NEBL: variants seen among roughly 807,000 people sequenced by gnomAD.
NEBL encodes LIM and SH3 protein 2.
NEBL carries 122 observed loss-of-function variants against 140.2 expected under a neutral mutation model. That is an observed-to-expected ratio of 0.87 (90% CI 0.75 to 1.01). The LOEUF (loss-of-function observed/expected upper bound fraction) is 1.01. NEBL is among the 50% of genes least tolerant of loss of function. The probability of loss-of-function intolerance (pLI) is 0.00; values close to 1 mark genes in which losing one functional copy is unlikely to be tolerated. For missense variants in NEBL, 1,365 were observed against 1,231.3 expected (o/e 1.11, Z -1.62); for synonymous variants, 436 against 398.9 (o/e 1.09, Z -1.11).
At chr10:20,835,895 G>T (rs541113229) in intron 13 of NEBL, among the ~76,000 whole-genome samples, 5 of 152,288 alleles carry the variant, frequency 3.3e-5, no homozygotes, top group Admixed American at 2.0e-4. Context: ...TTTCTTTGGG[G>T]CTGGAGGATA....
At chr10:20,958,335 G>A (rs751465932) in intron 4 of NEBL, among the ~76,000 whole-genome samples, 11 of 152,198 alleles carry the variant, frequency 7.2e-5, no homozygotes, top group Non-Finnish European at 1.6e-4. Context: ...AGGAGAGGGT[G>A]GATGGCAATT....
intron 2 of NEBL, among the ~76,000 whole-genome samples, chr10:21,116,697 G>C (rs1015299217): frequency 1.3e-4 from 19 of 151,946 alleles, no homozygotes; most frequent in African/African-American, 4.3e-4. Context: ...TTGGAGACAA[G>C]GTCTTGCTGT....
intron 16 of NEBL, among the ~76,000 whole-genome samples, chr10:20,829,598 T>TA (rs200888715): frequency 2.0e-5 from 3 of 150,504 alleles, no homozygotes; most frequent in Non-Finnish European, 3.0e-5. Context: ...ATAATAAAAT[T>TA]AAAAAAAAAG....
At chr10:21,071,680 T>A (rs2131905243) in intron 2 of NEBL, among the ~76,000 whole-genome samples, 1 of 152,334 alleles carries the variant, frequency 6.6e-6, no homozygotes, top group South Asian at 2.1e-4. Context: ...CCAGGATTCA[T>A]CCAGGATTGG....
intron 9 of NEBL, among the ~76,000 whole-genome samples, chr10:20,855,382 T>A (rs1239649461): frequency 6.6e-6 from 1 of 151,850 alleles, no homozygotes; most frequent in African/African-American, 2.4e-5. Flanking sequence ...CATTACTGAG[T>A]TAAAATCCAC....
intron 2 of NEBL, among the ~76,000 whole-genome samples, chr10:21,020,894 T>G (rs1838764258): frequency 6.6e-6 from 1 of 152,056 alleles, no homozygotes; most frequent in Non-Finnish European, 1.5e-5. Context: ...ATCACATCAT[T>G]CCCACAGCTT....
At chr10:21,022,263 T>A (rs1673335427) in intron 2 of NEBL, among the ~76,000 whole-genome samples, 1 of 152,172 alleles carries the variant, frequency 6.6e-6, no homozygotes, top group Admixed American at 6.5e-5. Context: ...CGTGTGTCTC[T>A]TCCTGTGGCT....
rs888032537 is a variant in NEBL, at chr10:21,082,036, G to C, written c.165-61835C>G. ...TCACCAGGTTTGGTGCCACCTGATA[G>C]GATACCATGAAAAGAACATAGCACC... On this transcript the variant is annotated intron_variant, in intron 2 of 6. Coordinates refer to the NEBL transcript ENST00000417816. Among the ~76,000 whole-genome samples the C allele has an allele frequency of 2.6e-5, 4 of 152,110 alleles. No homozygotes were observed. In the East Asian group the frequency reaches 7.7e-4, roughly 29 times the overall value.
chr10:20,980,589 T>C (rs2131662683), intron 3 of NEBL, among the ~76,000 whole-genome samples: 1 of 152,266 alleles, frequency 6.6e-6, no homozygotes, highest in African/African-American at 2.4e-5. Context: ...CCAGTGGCCT[T>C]ACACTTGGTA....
chr10:21,115,097 T>C (rs1359676720), intron 2 of NEBL, among the ~76,000 whole-genome samples: 1 of 151,938 alleles, frequency 6.6e-6, no homozygotes, highest in Non-Finnish European at 1.5e-5. Flanking sequence ...TTAAGTTTTG[T>C]AATAAACGTC....
chr10:20,879,128 C>T lies in NEBL; in HGVS notation c.480+1666G>A, dbSNP rs544428543. ...AATCTGAAGATAACCTATTTTGCTCCCCATTTTTAAAAACTGCATTTAAAA... is the reference window on the plus strand; with the variant it reads ...AATCTGAAGATAACCTATTTTGCTCTCCATTTTTAAAAACTGCATTTAAAA... On this transcript the variant is annotated intron_variant, in intron 5 of 27. Transcript: ENST00000377122. 9.0e-4 allele frequency among the ~76,000 whole-genome samples: 137 copies of T among 152,230 alleles called. 2 individuals carry two copies. Among genetic ancestry groups the T allele is most frequent in the African/African-American group, 3.2e-3 (133 of 41,534 alleles).
intron 3 of NEBL, among the ~76,000 whole-genome samples, chr10:21,214,483 ACGCG>A (rs796381369): frequency 2.4e-4 from 36 of 151,356 alleles, no homozygotes; most frequent in African/African-American, 5.8e-4. Context: ...ATGCACACAC[ACGCG>A]CACATTACAC....
chr10:21,141,832 T>A (rs1056615108), intron 2 of NEBL, among the ~76,000 whole-genome samples: 1 of 152,176 alleles, frequency 6.6e-6, no homozygotes, highest in Non-Finnish European at 1.5e-5. Flanking sequence ...ATGCAAAGCA[T>A]GTGAGATGTT....
chr10:21,211,986 C>G (rs1841924775), intron 3 of NEBL, among the ~76,000 whole-genome samples: 1 of 149,904 alleles, frequency 6.7e-6, no homozygotes, highest in Non-Finnish European at 1.5e-5. Context: ...TTTTAAATCA[C>G]TCAATTCTCT....
chr10:20,984,807 A>T (rs1322821293), intron 3 of NEBL, among the ~76,000 whole-genome samples: 1 of 152,114 alleles, frequency 6.6e-6, no homozygotes, highest in Non-Finnish European at 1.5e-5. Context: ...GCCACAAGTG[A>T]GCTGGCAAAG....
At position 21,086,042 on chromosome 10, in the gene NEBL, C is replaced by T. The variant is rs1417254976; in HGVS notation, c.165-65841G>A. Reference sequence around the variant, plus strand: ...ATAAGATGTACTTTGAAAAAAAAATCCATAAATATGTGTGTTTTCAACCAG... The same window carrying T: ...ATAAGATGTACTTTGAAAAAAAAATTCATAAATATGTGTGTTTTCAACCAG... On this transcript the variant is annotated intron_variant, in intron 2 of 6. Coordinates refer to the NEBL transcript ENST00000417816. 2.0e-5 allele frequency among the ~76,000 whole-genome samples: 3 copies of T among 151,930 alleles called. No homozygotes were observed. In the East Asian group the frequency reaches 5.8e-4, roughly 29 times the overall value.
At chr10:21,146,700 A>C in intron 2 of NEBL, 1 of 528,746 alleles carries the variant, frequency 1.9e-6, no homozygotes, top group Non-Finnish European at 3.3e-6. Flanking sequence ...ATGGAAAAGA[A>C]TTGCAATGCC....
intron 3 of NEBL, among the ~76,000 whole-genome samples, chr10:20,967,274 T>C (rs778069877): frequency 2.0e-5 from 3 of 152,036 alleles, no homozygotes; most frequent in Non-Finnish European, 2.9e-5. Context: ...AATAAGTGAA[T>C]CATGGATCTA....
chr10:20,953,295 C>G (rs1242405466), intron 4 of NEBL, among the ~76,000 whole-genome samples: 1 of 152,184 alleles, frequency 6.6e-6, no homozygotes, highest in Non-Finnish European at 1.5e-5. Context: ...CTCCCTCTCT[C>G]TCTCCACATG....
Sources: allele counts gnomAD v4.1 joint callset (sites outside exome capture counted in the v4.1 genomes callset), GRCh38; gene constraint gnomAD v4.1.1; transcripts MANE v1.5; gene names NCBI Gene and HGNC (gene_info 2026-07-23, HGNC 2026-07-21).